The following RHOT1 variants were observed in gnomAD, a reference collection of about 807,000 sequenced individuals.
The protein encoded by RHOT1 is mitochondrial Rho GTPase 1.
RHOT1 carries 27 observed loss-of-function variants against 95.3 expected under a neutral mutation model. That is an observed-to-expected ratio of 0.28 (90% CI 0.21 to 0.39). The LOEUF is 0.39. RHOT1 is among the 10% of genes least tolerant of loss of function. The pLI is 1.00. For missense variants in RHOT1, 578 were observed against 786.7 expected, an observed-to-expected ratio of 0.73 and a Z score of 3.17; for synonymous variants, 227 against 263.5, an observed-to-expected ratio of 0.86 and a Z score of 1.34.
At chr17:32,186,364 ATT>A (rs141880248) in intron 8 of RHOT1, among the ~76,000 whole-genome samples, 16 of 128,182 alleles carry the variant, frequency 1.2e-4, no homozygotes, top group Non-Finnish European at 1.5e-4. Flanking sequence ...GTCCTTTCCC[ATT>A]TTTTTTTTTT....
intron 16 of RHOT1, among the ~76,000 whole-genome samples, chr17:32,206,610 C>G (rs1436894373): frequency 6.6e-6 from 1 of 151,848 alleles, no homozygotes; most frequent in Non-Finnish European, 1.5e-5. Context: ...CGCCACCACA[C>G]CTGGCTAATT....
chr17:32,200,908 A>T (rs1217170400), intron 13 of RHOT1, 48 bp from the exon 14 acceptor site: 6 of 1,389,604 alleles, frequency 4.3e-6, no homozygotes, highest in Non-Finnish European at 3.0e-6. Flanking sequence ...TTTCCCCATA[A>T]ATATTCGTTT....
intron 1 of RHOT1, chr17:32,143,043 C>T (rs1313535577): frequency 2.3e-5 from 16 of 690,060 alleles, no homozygotes; most frequent in African/African-American, 5.3e-5. Flanking sequence ...TCCGAAGCTT[C>T]TCTCCTCCTT....
In RHOT1 at chr17:32,193,201, A is replaced by G; in HGVS notation, c.705A>G (p.Lys235=). The change falls in exon 10 of 20, where the codon AAA becomes AAG. Residue 235 remains lysine, a synonymous_variant. Transcript: ENST00000545287. The part of the protein sequence containing the change: ...ALEDVKNVVR[K]HISDGVADSG... ...AGGATGTCAAGAATGTAGTCAGAAAACATATAAGTGATGGTGTGGCTGACA... is the reference window on the plus strand; with the variant it reads ...AGGATGTCAAGAATGTAGTCAGAAAGCATATAAGTGATGGTGTGGCTGACA... 2 of 1,613,828 alleles carry G rather than the reference A, an allele frequency of 1.2e-6. No homozygotes were observed. The highest frequency in any genetic ancestry group is 1.7e-5 in the Admixed American group (1 of 60,002).
At chr17:32,149,629 A>ATG (rs1204046813) in intron 1 of RHOT1, among the ~76,000 whole-genome samples, 41 of 87,448 alleles carry the variant, frequency 4.7e-4, no homozygotes, top group Non-Finnish European at 7.1e-4. Context: ...ATATATATAT[A>ATG]TATATATGTG....
At chr17:32,161,599 A>G (rs1197568187) in intron 1 of RHOT1, among the ~76,000 whole-genome samples, 1 of 152,226 alleles carries the variant, frequency 6.6e-6, no homozygotes, top group Non-Finnish European at 1.5e-5. Context: ...CTTTAAGATT[A>G]AACAGTAAAC....
intron 11 of RHOT1, 55 bp downstream of exon 11, chr17:32,194,162 G>A: frequency 1.3e-6 from 2 of 1,562,576 alleles, no homozygotes; most frequent in African/African-American, 2.7e-5. Context: ...TATTGAGACA[G>A]GATCTCACTA....
rs185532605 is a variant in RHOT1 at position 32,178,391 on chromosome 17, C to T, written c.329+2178C>T. On this transcript the variant is annotated intron_variant, in intron 6 of 19. Coordinates refer to ENST00000545287, the MANE Select transcript of RHOT1 (RefSeq NM_001033566.3). ...ATTTTTGGTGGAGACGGACTTTCGCCGTGTTGACCGGGCTGGTCTCCAGCT... is the reference window on the plus strand; with the variant it reads ...ATTTTTGGTGGAGACGGACTTTCGCTGTGTTGACCGGGCTGGTCTCCAGCT... Among the ~76,000 whole-genome samples the T allele has an allele frequency of 3.2e-4, 49 of 152,204 alleles. No homozygotes were observed. The East Asian group carries it at 5.1e-3, about 16-fold the overall frequency.
Position 32,176,145 on chromosome 17 carries a change from T to C in RHOT1, c.277-16T>C. The C allele has an allele frequency of 6.2e-7, 1 of 1,609,974 alleles. No homozygotes were observed. Among genetic ancestry groups the C allele is most frequent in the Non-Finnish European group, 8.5e-7 (1 of 1,178,114 alleles). On this transcript the variant is annotated splice_polypyrimidine_tract_variant and intron_variant, in intron 5 of 19. Coordinates refer to ENST00000545287, the MANE Select transcript of RHOT1 (RefSeq NM_001033566.3). ...GATCCTTATCATGGCTAAGCGCTTG[T>C]TAATTTTCATTTTAGGTAACAAGTC...
chr17:32,206,981 T>C lies in RHOT1; in HGVS notation c.1488T>C (p.Tyr496=). ...TTTGTGATGTTGTATGCCTGGTATATGATGTCAGCAATCCCAAATCCTTTG... is the reference window on the plus strand; with the variant it reads ...TTTGTGATGTTGTATGCCTGGTATACGATGTCAGCAATCCCAAATCCTTTG... ...EIICDVVCLV[Y]DVSNPKSFEY... The change falls in exon 17 of 20, where the codon TAT becomes TAC. Residue 496 remains tyrosine (Y), a synonymous_variant. Coordinates refer to ENST00000545287, the MANE Select transcript of RHOT1 (RefSeq NM_001033566.3). 6.2e-7 allele frequency: 1 copy of C among 1,613,178 alleles called. No individual in the cohort carries two copies. Among genetic ancestry groups the C allele is most frequent in the Non-Finnish European group, 8.5e-7 (1 of 1,179,432 alleles).
chr17:32,156,733 A>G (rs1018938102), intron 1 of RHOT1, among the ~76,000 whole-genome samples: 1 of 152,264 alleles, frequency 6.6e-6, no homozygotes, highest in Non-Finnish European at 1.5e-5. Context: ...ATTGAGGCCC[A>G]GAGAGAGTTG....
At chr17:32,199,288 TTTG>T in intron 12 of RHOT1, 114 bp from the exon 13 acceptor site, 1 of 967,114 alleles carries the variant, frequency 1.0e-6, no homozygotes, top group African/African-American at 1.7e-5. Flanking sequence ...AAATGTAAAA[TTTG>T]TTGTCATTTA....
chr17:32,173,256 T>C (rs1270813123), intron 2 of RHOT1, among the ~76,000 whole-genome samples: 1 of 152,204 alleles, frequency 6.6e-6, no homozygotes, highest in Non-Finnish European at 1.5e-5. Flanking sequence ...TCCAAAATGC[T>C]TGGGACCAGA....
intron 16 of RHOT1, among the ~76,000 whole-genome samples, chr17:32,206,328 C>G (rs2037732275): frequency 6.6e-6 from 1 of 150,802 alleles, no homozygotes; most frequent in African/African-American, 2.4e-5. Flanking sequence ...GCCTTAGCCT[C>G]CCCAGTAGCT....
chr17:32,148,670 G>C (rs1380867013), intron 1 of RHOT1, among the ~76,000 whole-genome samples: 1 of 152,152 alleles, frequency 6.6e-6, no homozygotes, highest in Admixed American at 6.5e-5. Flanking sequence ...CCTCCCCCTA[G>C]TGTATTCTAA....
Position 32,208,290 on chromosome 17 carries a change from A to G in RHOT1, c.1720A>G (p.Thr574Ala). Residue 574 changes from threonine (T) to alanine (A), a missense_variant, in exon 18 of 20, where the codon ACA becomes GCA. Transcript: ENST00000545287. ...APSKDIFVKL[T>A]TMAMYPHARL... Reference sequence around the variant, plus strand: ...CAGTAAGGATATCTTTGTTAAATTGACAACAATGGCCATGTATCCGTAAGT... The same window carrying G: ...CAGTAAGGATATCTTTGTTAAATTGGCAACAATGGCCATGTATCCGTAAGT... 1.9e-6 allele frequency: 3 copies of G among 1,614,050 alleles called. No homozygotes were observed. Among genetic ancestry groups the G allele is most frequent in the South Asian group, 2.2e-5 (2 of 91,080 alleles).
chr17:32,154,297 A>G (rs1342324039), intron 1 of RHOT1, among the ~76,000 whole-genome samples: 1 of 150,506 alleles, frequency 6.6e-6, no homozygotes, highest in East Asian at 2.0e-4. Flanking sequence ...AAAAAAAAAA[A>G]AGGCCAGGCG....
intron 1 of RHOT1, 69 bp from the exon 2 acceptor site, chr17:32,170,974 T>C (rs774772121): frequency 5.8e-6 from 6 of 1,038,686 alleles, no homozygotes; most frequent in Non-Finnish European, 8.7e-6. Context: ...GACTGCCTTA[T>C]GTGGTTGCCA....
At chr17:32,147,738 TG>T (rs1196410376) in intron 1 of RHOT1, among the ~76,000 whole-genome samples, 1 of 151,192 alleles carries the variant, frequency 6.6e-6, no homozygotes, top group Non-Finnish European at 1.5e-5. Flanking sequence ...GAGAATCACT[TG>T]AACCCAGGAG....
Sources: gnomAD v4.1 joint callset for allele counts (sites outside exome capture counted in the v4.1 genomes callset) on GRCh38, gnomAD v4.1.1 for gene constraint, MANE v1.5 for transcripts, NCBI Gene and HGNC (gene_info 2026-07-23, HGNC 2026-07-21) for gene names.